SMCHD1: variants seen among roughly 807,000 people sequenced by gnomAD.
The protein encoded by SMCHD1 is structural maintenance of chromosomes flexible hinge domain containing 1, also known as structural maintenance of chromosomes flexible hinge domain-containing protein 1.
In SMCHD1, 78 loss-of-function variants were observed where a neutral mutation model predicts 254.7. That is an observed-to-expected ratio of 0.31 (90% CI 0.26 to 0.37). SMCHD1 has a LOEUF of 0.37. Ranked by LOEUF, SMCHD1 falls within the 10% of genes least tolerant of loss-of-function variation. SMCHD1 has a pLI of 1.00. For missense variants in SMCHD1, 1,840 were observed against 2,408.1 expected, an observed-to-expected ratio of 0.76 and a Z score of 4.94; for synonymous variants, 766 against 794.9, an observed-to-expected ratio of 0.96 and a Z score of 0.61.
rs1360515676 is a variant in SMCHD1 at position 2,703,862 on chromosome 18, A to G, written c.1818A>G (p.Gly606=). Residue 606 remains glycine, a synonymous_variant, in exon 13 of 48, where the codon GGA becomes GGG. Coordinates refer to ENST00000320876, the MANE Select transcript of SMCHD1 (RefSeq NM_015295.3). ...WATYAAIEWD[G]KIYKAGQLVK... ...CATATGCAGCAATAGAATGGGATGG[A>G]AAGATATACAAAGCAGGACAGCTGG... The G allele has an allele frequency of 6.2e-7, 1 of 1,606,088 alleles. No individual in the cohort carries two copies. The highest frequency in any genetic ancestry group is 1.7e-5 in the Admixed American group (1 of 57,764).
At chr18:2,657,483 CTT>C (rs1371999406) in intron 1 of SMCHD1, among the ~76,000 whole-genome samples, 1 of 152,080 alleles carries the variant, frequency 6.6e-6, no homozygotes, top group African/African-American at 2.4e-5. Flanking sequence ...AAAAGGGAAA[CTT>C]TTTACGTTTA....
intron 5 of SMCHD1, among the ~76,000 whole-genome samples, chr18:2,682,610 C>T (rs2073958085): frequency 6.6e-6 from 1 of 152,240 alleles, no homozygotes; most frequent in South Asian, 2.1e-4. Context: ...GCGTGAGCCA[C>T]CGCGCCCGGC....
intron 19 of SMCHD1, among the ~76,000 whole-genome samples, chr18:2,720,608 C>T (rs118084864): frequency 0.018 from 2,728 of 152,266 alleles, 40 homozygotes; most frequent in Middle Eastern, 0.1. Flanking sequence ...TGGAGCCTTT[C>T]AGTCACCTGC....
chr18:2,705,351 C>G (rs1318670330), intron 13 of SMCHD1, among the ~76,000 whole-genome samples: 1 of 152,078 alleles, frequency 6.6e-6, no homozygotes, highest in Non-Finnish European at 1.5e-5. Context: ...AATTGCTGTT[C>G]ATCATCTGAG....
intron 1 of SMCHD1, among the ~76,000 whole-genome samples, chr18:2,658,316 C>T (rs1325110197): frequency 2.0e-5 from 3 of 152,146 alleles, no homozygotes; most frequent in Non-Finnish European, 4.4e-5. Context: ...TATTATTGGC[C>T]TTTTATTACA....
chr18:2,795,087 T>C (rs1479965783), intron 45 of SMCHD1, among the ~76,000 whole-genome samples: 1 of 151,830 alleles, frequency 6.6e-6, no homozygotes, highest in Admixed American at 6.6e-5. Flanking sequence ...TGAGACGGAG[T>C]CTCGCTCTGT....
intron 46 of SMCHD1, 142 bp from the exon 47 acceptor site, chr18:2,796,265 A>G (rs1361440069): frequency 8.1e-6 from 7 of 862,698 alleles, no homozygotes; most frequent in African/African-American, 1.7e-5. Context: ...GTTATAAACT[A>G]TTCTTTCACC....
At chr18:2,784,940 C>A in intron 45 of SMCHD1, 1 of 373,784 alleles carries the variant, frequency 2.7e-6, no homozygotes, top group Non-Finnish European at 5.0e-6. Flanking sequence ...AGCAAGACTC[C>A]ATCTCTTAAA....
chr18:2,786,619 G>A (rs1317674979), intron 45 of SMCHD1, among the ~76,000 whole-genome samples: 1 of 152,078 alleles, frequency 6.6e-6, no homozygotes, highest in Non-Finnish European at 1.5e-5. Flanking sequence ...TTGAGCCTGG[G>A]AGGCAGAGGT....
intron 17 of SMCHD1, among the ~76,000 whole-genome samples, chr18:2,708,880 A>ATC (rs2074586683): frequency 1.6e-5 from 1 of 60,904 alleles, no homozygotes; most frequent in African/African-American, 9.5e-5. Flanking sequence ...ATATATATAT[A>ATC]TATATATATA....
intron 24 of SMCHD1, among the ~76,000 whole-genome samples, chr18:2,730,212 C>T (rs2075110368): frequency 6.6e-6 from 1 of 151,856 alleles, no homozygotes; most frequent in Non-Finnish European, 1.5e-5. Context: ...GCTCTGTTGC[C>T]CAGGCTGGAG....
intron 32 of SMCHD1, 50 bp from the exon 33 acceptor site, chr18:2,751,228 T>C (rs2075564924): frequency 3.1e-6 from 3 of 966,228 alleles, no homozygotes; most frequent in Admixed American, 2.5e-5. Flanking sequence ...TTTAACCATA[T>C]CCATTAATTG....
intron 45 of SMCHD1, among the ~76,000 whole-genome samples, chr18:2,787,513 C>G (rs1051829199): frequency 5.5e-5 from 8 of 145,008 alleles, no homozygotes; most frequent in Non-Finnish European, 9.3e-5. Context: ...CATACAGTCT[C>G]TACAATGAGT....
intron 22 of SMCHD1, 100 bp from the exon 23 acceptor site, chr18:2,728,357 A>G: frequency 1.7e-6 from 2 of 1,177,670 alleles, no homozygotes. Flanking sequence ...CAATATTTAT[A>G]AAATATTAAG....
intron 34 of SMCHD1, among the ~76,000 whole-genome samples, chr18:2,759,423 C>T (rs1158137533): frequency 6.6e-6 from 1 of 150,408 alleles, no homozygotes; most frequent in Non-Finnish European, 1.5e-5. Flanking sequence ...CCAGGGCCTC[C>T]TTTCTATCTT....
chr18:2,725,051 T>G, intron 21 of SMCHD1, 56 bp downstream of exon 21: 1 of 1,064,752 alleles, frequency 9.4e-7, no homozygotes, highest in Non-Finnish European at 1.3e-6. Context: ...TATCATATGG[T>G]AAGAATGAAA....
In SMCHD1 at chr18:2,697,851, G is replaced by A; in HGVS notation, c.1152G>A (p.Gly384=). The stretch of plus-strand genomic sequence containing the variant: ...TTTAGATTTCTATGTTTGAAAAAGG[G>A]AAGGTACCTAAGATTGTCAACCTAA... ...IDIEISMFEK[G]KVPKIVNLRE... The change falls in exon 10 of 48, where the codon GGG becomes GGA. Residue 384 remains glycine (G), a synonymous_variant. Coordinates refer to ENST00000320876, the MANE Select transcript of SMCHD1 (RefSeq NM_015295.3). 6.2e-7 allele frequency: 1 copy of A among 1,610,080 alleles called. No individual in the cohort carries two copies. The highest frequency in any genetic ancestry group is 1.7e-5 in the Admixed American group (1 of 59,904).
rs886042340 is a variant in SMCHD1 at position 2,738,432 on chromosome 18, G to C, written c.3312G>C (p.Leu1104Phe). 6.2e-6 allele frequency: 10 copies of C among 1,609,010 alleles called. No individual in the cohort carries two copies. Among genetic ancestry groups the C allele is most frequent in the African/African-American group, 4.0e-5 (3 of 74,758 alleles). ...NWTPEINKEH[L>F]LQGLLPDVQV... is the part of the protein sequence containing the mutation. Reference sequence around the variant, plus strand: ...CTCCTGAGATTAACAAAGAACACTTGCTACAGGGTCTGCTTCCTGATGTGC... The same window carrying C: ...CTCCTGAGATTAACAAAGAACACTTCCTACAGGGTCTGCTTCCTGATGTGC... The change falls in exon 26 of 48, where the codon TTG (leucine) becomes TTC (phenylalanine). Residue 1104 changes from leucine to phenylalanine, a missense_variant. By Grantham distance (22) the Leu-to-Phe change is conservative. Around this residue, in one of 9 missense-constraint regions of SMCHD1, gnomAD observed 881 missense variants for 1,009.5 expected, o/e 0.87. Coordinates refer to ENST00000320876, the MANE Select transcript of SMCHD1 (RefSeq NM_015295.3).
At chr18:2,759,569 C>CTTTTTTT (rs763885639) in intron 34 of SMCHD1, among the ~76,000 whole-genome samples, 12 of 36,978 alleles carry the variant, frequency 3.2e-4, no homozygotes, top group East Asian at 3.8e-3. Flanking sequence ...TTTTAATTCT[C>CTTTTTTT]TCTTTTTTTT....
Sources: allele counts gnomAD v4.1 joint callset (sites outside exome capture counted in the v4.1 genomes callset), GRCh38; gene constraint gnomAD v4.1.1; regional missense constraint gnomAD v4.1.1; transcripts MANE v1.5; gene names NCBI Gene and HGNC (gene_info 2026-07-23, HGNC 2026-07-21).